SZT2: variants seen among roughly 807,000 people sequenced by gnomAD.
SZT2 encodes SZT2 subunit of KICSTOR complex, also known as KICSTOR complex protein SZT2.
SZT2 carries 216 observed loss-of-function variants against 404.2 expected under a neutral mutation model. That is an observed-to-expected ratio of 0.53 (90% CI 0.48 to 0.60). SZT2 has a LOEUF of 0.60. Among genes scored for constraint, SZT2 ranks in the 20% least tolerant of loss-of-function variants. SZT2 has a pLI of 0.00. For missense variants in SZT2, 3,857 were observed against 4,459.2 expected (o/e 0.86, Z 3.85); for synonymous variants, 1,693 against 1,749.9 (o/e 0.97, Z 0.81).
At chr1:43,428,677 T>C (rs527310514) in intron 28 of SZT2, 191 bp downstream of exon 28, 10 of 678,510 alleles carry the variant, frequency 1.5e-5, no homozygotes, top group South Asian at 9.8e-5. Flanking sequence ...GCAGTCTCCC[T>C]CCCAGGCTCT....
chr1:43,403,433 T>A, intron 2 of SZT2, 131 bp downstream of exon 2: 8 of 1,424,578 alleles, frequency 5.6e-6, no homozygotes, highest in Non-Finnish European at 7.5e-6. Flanking sequence ...GCCTACAAGA[T>A]GATGGAAATT....
chr1:43,449,978 C>A, intron 70 of SZT2, 125 bp from the exon 71 acceptor site: 1 of 1,148,586 alleles, frequency 8.7e-7, no homozygotes, highest in Non-Finnish European at 1.3e-6. Flanking sequence ...TCCTATGTGA[C>A]CTCAGGGTGC....
Position 43,448,721 on chromosome 1 carries a change from A to G in SZT2, c.10079A>G (p.Gln3360Arg), listed in dbSNP as rs1270088240. 1 of 1,614,068 alleles carries G rather than the reference A, an allele frequency of 6.2e-7. No homozygotes were observed. The highest frequency in any genetic ancestry group is 1.1e-5 in the South Asian group (1 of 91,082). ...TTCCAAAGCCCAGACTTGGGAACTC[A>G]GTACCTGGTAAGTCCCCTTGAGCTT... is the stretch of plus-strand genomic sequence containing the variant. ...RHFQSPDLGT[Q>R]YLVVLNQKFT... Residue 3360 changes from glutamine (Q) to arginine (R), a missense_variant, in exon 70 of 72, where the codon CAG becomes CGG. Physicochemically the swap from Gln to Arg is conservative, Grantham distance 43. This residue lies in a region of SZT2 where 717 missense variants were observed against 868.2 expected (regional missense o/e 0.83). Transcript: ENST00000634258. This position sits in a 1 kb window ranked among gnomAD's most constrained non-coding sequence, Gnocchi z 4.2.
In SZT2 at chr1:43,451,600, CAG is replaced by C. The variant is rs1656431289; in HGVS notation, c.*1122_*1123del. On this transcript the variant is annotated 3_prime_UTR_variant, in exon 72 of 72. Transcript: ENST00000634258. ...CAGGCTCCTGCCAGGGCCTGAAGGA[CAG>C]ATGTGGGGATTGAAAGGGTGGGAGG... The C allele has an allele frequency of 1.2e-6, 2 of 1,613,638 alleles. No individual in the cohort carries two copies. The highest frequency in any genetic ancestry group is 8.5e-7 in the Non-Finnish European group (1 of 1,179,816).
At position 43,439,555 on chromosome 1, in the gene SZT2, G is replaced by A; in HGVS notation, c.6878-50G>A. 1.2e-6 allele frequency: 2 copies of A among 1,610,870 alleles called. No homozygotes were observed. Among genetic ancestry groups the A allele is most frequent in the Non-Finnish European group, 1.7e-6 (2 of 1,178,164 alleles). The stretch of plus-strand genomic sequence containing the variant: ...GCAGCTGAGTGGAGGGTCGTGGGAG[G>A]GGTGGTCTGCAAGTCCCAGAGCTGA... On this transcript the variant is annotated intron_variant, in intron 49 of 71. Transcript: ENST00000634258. The surrounding 1 kb of genome is among the most constrained non-coding windows in gnomAD (Gnocchi z 4.2).
Position 43,427,113 on chromosome 1 carries a change from C to T in SZT2, c.3367C>T (p.Arg1123Cys), listed in dbSNP as rs894810363. The T allele has an allele frequency of 2.0e-5, 32 of 1,614,212 alleles. No homozygotes were observed. The highest frequency in any genetic ancestry group is 1.3e-4 in the East Asian group (6 of 44,884). ...CATCTCTGCCCAGCCCCCTCAGTGG[C>T]GCTGCTATGCAAGGCTTGTGAACCC... ...PLISAQPPQW[R>C]CYARLVNPQH... The change falls in exon 24 of 72, where the codon CGC becomes TGC. Residue 1123 changes from arginine to cysteine, a missense_variant. Transcript: ENST00000634258.
chr1:43,403,907 G>C, intron 3 of SZT2, 133 bp downstream of exon 3: 1 of 1,041,270 alleles, frequency 9.6e-7, no homozygotes, highest in Non-Finnish European at 1.4e-6. Flanking sequence ...AAGGAATGAT[G>C]GGTGTTTAAA....
chr1:43,423,083 C>T lies in SZT2; in HGVS notation c.2038-16C>T, dbSNP rs1403082503. On this transcript the variant is annotated splice_polypyrimidine_tract_variant and intron_variant, in intron 14 of 71. Coordinates refer to ENST00000634258, the MANE Select transcript of SZT2 (RefSeq NM_001365999.1). ...GGAGATGGGAGTAAGAGGATGTGACCACATTTTCCCCTCAGATTGTGTCAG... is the reference window on the plus strand; with the variant it reads ...GGAGATGGGAGTAAGAGGATGTGACTACATTTTCCCCTCAGATTGTGTCAG... 6.4e-7 allele frequency: 1 copy of T among 1,572,174 alleles called. No homozygotes were observed. The highest frequency in any genetic ancestry group is 1.1e-5 in the South Asian group (1 of 87,126).
rs766998025 is a variant in SZT2, at chr1:43,432,592, G to C, written c.5518G>C (p.Val1840Leu). 7.4e-6 allele frequency: 12 copies of C among 1,613,702 alleles called. No individual in the cohort carries two copies. The highest frequency in any genetic ancestry group is 1.3e-5 in the African/African-American group (1 of 74,934). The change falls in exon 38 of 72, where the codon GTG becomes CTG. Residue 1840 changes from valine (V) to leucine (L), a missense_variant. Coordinates refer to ENST00000634258, the MANE Select transcript of SZT2 (RefSeq NM_001365999.1). ...EGVPLISLPR[V>L]PQGGSQPGPS... ...TGTCCCCCTCATCAGCCTGCCCCGC[G>C]TGCCACAGGGAGGTAAGAGAGGACT...
Position 43,437,647 on chromosome 1 carries a change from C to G in SZT2, c.6343C>G (p.Pro2115Ala), listed in dbSNP as rs147309177. ...GCCATGGAAAGGGGATGCGCTGCCC[C>G]CTTCCCTCGCTCTGTCCCGAAGCCA... ...DRPWKGDALP[P>A]SLALSRSQEP... The change falls in exon 45 of 72, where the codon CCT becomes GCT. Residue 2115 changes from proline to alanine, a missense_variant. Around this residue, in one of 7 missense-constraint regions of SZT2, gnomAD observed 261 missense variants for 372.9 expected, o/e 0.70. Coordinates refer to ENST00000634258, the MANE Select transcript of SZT2 (RefSeq NM_001365999.1). The surrounding 1 kb of genome is among the most constrained non-coding windows in gnomAD (Gnocchi z 5.3). 1.4e-4 allele frequency: 221 copies of G among 1,614,122 alleles called. No homozygotes were observed. In the African/African-American group the frequency reaches 2.6e-3, roughly 19 times the overall value.
chr1:43,440,405 G>A (rs1366159458), intron 51 of SZT2, 48 bp from the exon 52 acceptor site: 12 of 1,525,256 alleles, frequency 7.9e-6, no homozygotes, highest in Non-Finnish European at 1.1e-5. Flanking sequence ...TTTCTAGAAT[G>A]GGGATTGATG....
chr1:43,415,288 T>C, intron 5 of SZT2, 75 bp downstream of exon 5: 1 of 1,540,620 alleles, frequency 6.5e-7, no homozygotes. Context: ...AGAGGAGGGA[T>C]AGTCCAAATA....
chr1:43,415,288 T>G, intron 5 of SZT2, 75 bp downstream of exon 5: 3 of 1,540,600 alleles, frequency 1.9e-6, no homozygotes, highest in Non-Finnish European at 2.6e-6. Flanking sequence ...AGAGGAGGGA[T>G]AGTCCAAATA....
At position 43,441,803 on chromosome 1, in the gene SZT2, T is replaced by C. The variant is rs544768046; in HGVS notation, c.7727T>C (p.Ile2576Thr). The change falls in exon 55 of 72, where the codon ATC becomes ACC. Residue 2576 changes from isoleucine (I) to threonine (T), a missense_variant. Coordinates refer to ENST00000634258, the MANE Select transcript of SZT2 (RefSeq NM_001365999.1). The surrounding 1 kb of genome is among the most constrained non-coding windows in gnomAD (Gnocchi z 4.8). ...TSMAGDTSVR[I>T]FEQHLGSEPE... ...ATGGCTGGAGACACCAGTGTCCGCA[T>C]CTTTGAGCAGCATTTGTGAGTGTAG... The C allele has an allele frequency of 2.5e-6, 4 of 1,614,144 alleles. 1 individual carries two copies. In the South Asian group the frequency reaches 3.3e-5, roughly 13 times the overall value.
intron 1 of SZT2, among the ~76,000 whole-genome samples, chr1:43,397,126 G>A (rs1219075320): frequency 1.3e-5 from 2 of 152,060 alleles, no homozygotes; most frequent in Admixed American, 6.6e-5. Context: ...TAGGCTCTAG[G>A]GTTACAGCAA....
Position 43,429,694 on chromosome 1 carries a change from A to G in SZT2, c.4167-9A>G, listed in dbSNP as rs755916712. The G allele has an allele frequency of 6.2e-6, 10 of 1,613,870 alleles. No homozygotes were observed. The highest frequency in any genetic ancestry group is 4.5e-5 in the East Asian group (2 of 44,872). On this transcript the variant is annotated splice_polypyrimidine_tract_variant and intron_variant, in intron 28 of 71. Transcript: ENST00000634258. ...TTAACACTTCAACATCCTTACCCCA[A>G]CCATTCAGCATAGAGACCGAGGACC...
intron 41 of SZT2, 35 bp downstream of exon 41, chr1:43,434,520 G>C (rs1654263045): frequency 5.9e-6 from 9 of 1,525,086 alleles, no homozygotes; most frequent in East Asian, 2.3e-5. Flanking sequence ...CGGACACACA[G>C]AGCAGATGAG....
chr1:43,448,907 C>G lies in SZT2; in HGVS notation c.10086+179C>G, dbSNP rs1482714864. On this transcript the variant is annotated intron_variant, in intron 70 of 71. Transcript: ENST00000634258. The surrounding 1 kb of genome is among the most constrained non-coding windows in gnomAD (Gnocchi z 4.2). The stretch of plus-strand genomic sequence containing the variant: ...GGGCATCGAGCTACAGCATGTGATT[C>G]TCTGAGCAGCTCTGCCCTCAAAGAC... 1.1e-5 allele frequency: 7 copies of G among 628,608 alleles called. No individual in the cohort carries two copies. Among genetic ancestry groups the G allele is most frequent in the South Asian group, 1.9e-5 (1 of 53,446 alleles). 38.9% of individuals were successfully genotyped at this position (628,608 alleles called of 1,614,324 possible).
Position 43,425,881 on chromosome 1 carries a change from A to G in SZT2, c.2861A>G (p.Glu954Gly). Residue 954 changes from glutamate to glycine, a missense_variant, in exon 20 of 72, where the codon GAA (glutamate) becomes GGA (glycine). This residue lies in a region of SZT2 where 1,725 missense variants were observed against 1,881.0 expected (regional missense o/e 0.92). Transcript: ENST00000634258. The surrounding 1 kb of genome is among the most constrained non-coding windows in gnomAD (Gnocchi z 4.3). ...AACIGSMLSF[E>G]YLIQLCQSKE... ...TGCATAGGCTCCATGCTGAGCTTTG[A>G]ATACCTGATACAGCTGTGTCAGAGC... The G allele has an allele frequency of 1.9e-6, 3 of 1,614,086 alleles. No homozygotes were observed. The highest frequency in any genetic ancestry group is 2.5e-6 in the Non-Finnish European group (3 of 1,180,000).
Sources: allele counts gnomAD v4.1 joint callset (sites outside exome capture counted in the v4.1 genomes callset), GRCh38; gene constraint gnomAD v4.1.1; regional missense constraint gnomAD v4.1.1; non-coding constraint Gnocchi (gnomAD v3.1); transcripts MANE v1.5; gene names NCBI Gene and HGNC (gene_info 2026-07-23, HGNC 2026-07-21).